Variants in BCAM observed in about 807,000 individuals in gnomAD.
BCAM encodes the protein basal cell adhesion molecule (Lutheran blood group).
In BCAM, 61 loss-of-function variants were observed where a neutral mutation model predicts 72.4. The observed-to-expected ratio is 0.84, with a 90% CI of 0.69 to 1.04. The LOEUF is 1.04. Ranked by LOEUF, BCAM falls within the 50% of genes least tolerant of loss-of-function variation. The pLI, the probability that BCAM is intolerant of heterozygous loss-of-function variation, is 0.00. For synonymous variants in BCAM, 408 were observed against 384.2 expected, an observed-to-expected ratio of 1.06 and a Z score of -0.73; for missense variants, 909 against 895.0, an observed-to-expected ratio of 1.02 and a Z score of -0.20.
chr19:44,820,766 C>T lies in BCAM; in HGVS notation c.1825C>T (p.Leu609Phe). 2 of 1,505,440 alleles carry T rather than the reference C, an allele frequency of 1.3e-6. No homozygotes were observed. The highest frequency in any genetic ancestry group is 2.6e-5 in the South Asian group (2 of 77,274). 93.3% of individuals were successfully genotyped at this position (1,505,440 alleles called of 1,614,324 possible). ...GGAGCAACCAGAGCAGACCGGCCTTCTCATGGGAGGTGCCTCCGGAGGAGC... is the reference window on the plus strand; with the variant it reads ...GGAGCAACCAGAGCAGACCGGCCTTTTCATGGGAGGTGCCTCCGGAGGAGC... ...GSEQPEQTGLLMGGASGGARG... is the reference protein window; with the variant it reads ...GSEQPEQTGLFMGGASGGARG... The change falls in exon 14 of 15, where the codon CTC becomes TTC. Residue 609 changes from leucine to phenylalanine, a missense_variant. Coordinates refer to ENST00000270233, the MANE Select transcript of BCAM (RefSeq NM_005581.5).
chr19:44,820,853 G>A, intron 14 of BCAM, 31 bp downstream of exon 14: 1 of 1,531,812 alleles, frequency 6.5e-7, no homozygotes, highest in Non-Finnish European at 8.8e-7. Context: ...CCTGGTGAGA[G>A]GGACCTGCTG....
In BCAM at chr19:44,812,467, C is replaced by G. The variant is rs1968438199; in HGVS notation, c.434-11C>G. 1 of 1,614,114 alleles carries G rather than the reference C, an allele frequency of 6.2e-7. No individual in the cohort carries two copies. The highest frequency in any genetic ancestry group is 1.7e-5 in the Admixed American group (1 of 60,010). ...GGGCAGGGGCTCCTGACGTGAACGT[C>G]TTTTTCACAGCAAAGCCAGAGGCCA... On this transcript the variant is annotated splice_polypyrimidine_tract_variant and intron_variant, in intron 3 of 14. Transcript: ENST00000270233. The surrounding 1 kb of genome is among the most constrained non-coding windows in gnomAD (Gnocchi z 5.3).
rs1205327707 is a variant in BCAM at position 44,812,337 on chromosome 19, G to C, written c.379G>C (p.Val127Leu). The C allele has an allele frequency of 6.2e-7, 1 of 1,613,424 alleles. No homozygotes were observed. The highest frequency in any genetic ancestry group is 1.7e-5 in the Admixed American group (1 of 59,942). Residue 127 changes from valine to leucine, a missense_variant, in exon 3 of 15, where the codon GTG becomes CTG. Coordinates refer to ENST00000270233, the MANE Select transcript of BCAM (RefSeq NM_005581.5). The surrounding 1 kb of genome is among the most constrained non-coding windows in gnomAD (Gnocchi z 5.3). ...CGACGAGCGAGACTACGTGTGCGTGGTGAGGGCAGGGGCGGCAGGCACTGC... is the reference window on the plus strand; with the variant it reads ...CGACGAGCGAGACTACGTGTGCGTGCTGAGGGCAGGGGCGGCAGGCACTGC... ...VGDERDYVCV[V>L]RAGAAGTAEA...
At position 44,819,093 on chromosome 19, in the gene BCAM, G is replaced by A; in HGVS notation, c.1374G>A (p.Lys458=). ...PELKTAEIEP[K]ADGSWREGDE... The stretch of plus-strand genomic sequence containing the variant: ...TAAAGACAGCGGAAATAGAGCCCAA[G>A]GCAGATGGCAGCTGGAGGGAAGGAG... Residue 458 remains lysine (K), a synonymous_variant, in exon 11 of 15, where the codon AAG becomes AAA. Coordinates refer to ENST00000270233, the MANE Select transcript of BCAM (RefSeq NM_005581.5). 6.2e-7 allele frequency: 1 copy of A among 1,614,014 alleles called. No homozygotes were observed. The highest frequency in any genetic ancestry group is 1.1e-5 in the South Asian group (1 of 91,080).
intron 1 of BCAM, among the ~76,000 whole-genome samples, chr19:44,810,218 C>G (rs897166373): frequency 1.3e-5 from 2 of 152,122 alleles, no homozygotes; most frequent in Non-Finnish European, 2.9e-5. Context: ...TCCACCAGGC[C>G]CCAGCCTCCT....
At chr19:44,820,572 C>G in intron 13 of BCAM, 133 bp from the exon 14 acceptor site, 1 of 1,281,666 alleles carries the variant, frequency 7.8e-7, no homozygotes, top group Non-Finnish European at 9.9e-7. Context: ...CTATGCCATC[C>G]CCACCCAGCA....
rs780731090 is a variant in BCAM at position 44,814,189 on chromosome 19, G to A, written c.822G>A (p.Pro274=). 7.7e-5 allele frequency: 122 copies of A among 1,580,386 alleles called. No individual in the cohort carries two copies. The highest frequency in any genetic ancestry group is 1.7e-4 in the Middle Eastern group (1 of 5,970). Residue 274 remains proline, a synonymous_variant, in exon 7 of 15, where the codon CCG becomes CCA. Transcript: ENST00000270233. This position sits in a 1 kb window ranked among gnomAD's most constrained non-coding sequence, Gnocchi z 4.6. The part of the protein sequence containing the change: ...TEHVQFWVGS[P]STPAGWVREG... ...ACGTGCAGTTCTGGGTGGGCAGCCC[G>A]TCCACCCCAGCAGGCTGGGTACGCG...
In BCAM at chr19:44,814,895, G is replaced by GT. The variant is rs1568572880; in HGVS notation, c.1078+135_1078+136insT. ...CAACCCTTTCTCTGCATTTCTTGGG[G>GT]GTTTTTTTGGTTGTTTTTTTTTTTT... is the stretch of plus-strand genomic sequence containing the variant. On this transcript the variant is annotated intron_variant, in intron 8 of 14. Coordinates refer to ENST00000270233, the MANE Select transcript of BCAM (RefSeq NM_005581.5). The surrounding 1 kb of genome is among the most constrained non-coding windows in gnomAD (Gnocchi z 4.6). 1.8e-5 allele frequency: 19 copies of GT among 1,029,178 alleles called. No individual in the cohort carries two copies. Among genetic ancestry groups the GT allele is most frequent in the African/African-American group, 1.4e-4 (8 of 58,822 alleles). 63.8% of individuals were successfully genotyped at this position (1,029,178 alleles called of 1,614,324 possible). A position where few individuals can be genotyped will look rare whatever the true frequency, so the allele number is the denominator to read the frequency against.
Position 44,813,401 on chromosome 19 carries a change from G to A in BCAM, c.602-37G>A. On this transcript the variant is annotated intron_variant, in intron 5 of 14. Coordinates refer to ENST00000270233, the MANE Select transcript of BCAM (RefSeq NM_005581.5). The surrounding 1 kb of genome is among the most constrained non-coding windows in gnomAD (Gnocchi z 4.2). ...GGGCTGGGGTGGGTGGCGGGGCTAT[G>A]GCCTGGCTGACTGCCACCTCCCCCG... is the stretch of plus-strand genomic sequence containing the variant. 1 of 1,608,230 alleles carries A rather than the reference G, an allele frequency of 6.2e-7. No homozygotes were observed. The highest frequency in any genetic ancestry group is 8.5e-7 in the Non-Finnish European group (1 of 1,177,014).
chr19:44,811,128 TG>T, intron 1 of BCAM, 96 bp from the exon 2 acceptor site: 1 of 1,575,896 alleles, frequency 6.3e-7, no homozygotes, highest in South Asian at 1.1e-5. Context: ...GAGGAGGGGC[TG>T]GGACCTGGAC....
rs1014808418 is a variant in BCAM at position 44,813,252 on chromosome 19, C to A, written c.507C>A (p.Ile169=). Residue 169 remains isoleucine, a splice_region_variant and synonymous_variant, in exon 5 of 15, where the codon ATC becomes ATA. Coordinates refer to ENST00000270233, the MANE Select transcript of BCAM (RefSeq NM_005581.5). The surrounding 1 kb of genome is among the most constrained non-coding windows in gnomAD (Gnocchi z 4.2). The stretch of plus-strand genomic sequence containing the variant: ...GGCCATGCCCGTGTCTGCCTCAGAT[C>A]GCCACCTGCAACAGCCGGAACGGGA... The part of the protein sequence containing the change: ...LSVMEDSAQE[I]ATCNSRNGNP... The A allele has an allele frequency of 6.2e-6, 10 of 1,614,012 alleles. No individual in the cohort carries two copies. The highest frequency in any genetic ancestry group is 8.5e-6 in the Non-Finnish European group (10 of 1,179,988).
chr19:44,814,709 G>A lies in BCAM; in HGVS notation c.1027G>A (p.Asp343Asn), dbSNP rs368698889. Reference protein sequence around the residue: ...GTYGCRVEDYDAADDVQLSKT... With the variant: ...GTYGCRVEDYNAADDVQLSKT... ...CTATGGCTGCAGAGTGGAGGATTAC[G>A]ACGCGGCAGATGACGTGCAGCTCTC... The change falls in exon 8 of 15, where the codon GAC becomes AAC. Residue 343 changes from aspartate to asparagine, a missense_variant. Physicochemically the swap from Asp to Asn is conservative, Grantham distance 23. Transcript: ENST00000270233. This position sits in a 1 kb window ranked among gnomAD's most constrained non-coding sequence, Gnocchi z 4.6. The A allele has an allele frequency of 4.9e-5, 79 of 1,613,806 alleles. No homozygotes were observed. Among genetic ancestry groups the A allele is most frequent in the Non-Finnish European group, 6.4e-5 (75 of 1,180,014 alleles).
rs139289024 is a variant in BCAM at position 44,811,234 on chromosome 19, C to T, written c.92C>T (p.Ala31Val). ...VLLAAHPDAQ[A>V]EVRLSVPPLV... ...AGTTGCTCTCTTGCAGATGCCCAGG[C>T]GGAGGTGCGCTTGTCTGTACCCCCG... The change falls in exon 2 of 15, where the codon GCG becomes GTG. Residue 31 changes from alanine (A) to valine (V), a missense_variant. Ala to Val is a moderately conservative substitution (Grantham distance 64). Transcript: ENST00000270233. 1.4e-5 allele frequency: 23 copies of T among 1,612,096 alleles called. No individual in the cohort carries two copies. Among genetic ancestry groups the T allele is most frequent in the South Asian group, 2.2e-5 (2 of 91,008 alleles).
chr19:44,821,371 A>C lies in BCAM; in HGVS notation c.*450A>C. 2 of 114,710 alleles carry C rather than the reference A, an allele frequency of 1.7e-5. No homozygotes were observed. The highest frequency in any genetic ancestry group is 1.7e-5 in the Non-Finnish European group (1 of 60,340). The allele number at this position is 114,710 out of a possible 1,614,324, so 7.1% of individuals were successfully genotyped here. A position where few individuals can be genotyped will look rare whatever the true frequency, so the allele number is the denominator to read the frequency against. ...CGCCCTACCTCCGCCCCACCCCATC[A>C]TCTGTGGACACTGGAGTCTGGAATA... On this transcript the variant is annotated 3_prime_UTR_variant, in exon 15 of 15. Transcript: ENST00000270233.
In BCAM at chr19:44,812,669, G is replaced by T. The variant is rs1968441510; in HGVS notation, c.504+121G>T. The T allele has an allele frequency of 4.2e-6, 5 of 1,188,244 alleles. No individual in the cohort carries two copies. The highest frequency in any genetic ancestry group is 4.7e-6 in the Non-Finnish European group (4 of 850,482). The allele number at this position is 1,188,244 out of a possible 1,614,324, so 73.6% of individuals were successfully genotyped here. A position where few individuals can be genotyped will look rare whatever the true frequency, so the allele number is the denominator to read the frequency against. On this transcript the variant is annotated intron_variant, in intron 4 of 14. Transcript: ENST00000270233. The surrounding 1 kb of genome is among the most constrained non-coding windows in gnomAD (Gnocchi z 5.3). ...TGGGTAATAAAGGAGGAGGGGTAAG[G>T]CCAGGCGAGGTGGCTCATGCCTGTA...
In BCAM at chr19:44,819,719, G is replaced by T. The variant is rs369218064; in HGVS notation, c.1756G>T (p.Gly586Trp). 1.8e-5 allele frequency: 29 copies of T among 1,601,422 alleles called. No homozygotes were observed. Among genetic ancestry groups the T allele is most frequent in the Non-Finnish European group, 2.3e-5 (27 of 1,175,392 alleles). ...GPCCRQRREK[G>W]APPPGEPGLS... Reference sequence around the variant, plus strand: ...CTGCTGCCGCCAGCGGCGGGAGAAGGGGGCTCCGTGAGTGGCCTGCTATCT... The same window carrying T: ...CTGCTGCCGCCAGCGGCGGGAGAAGTGGGCTCCGTGAGTGGCCTGCTATCT... The change falls in exon 13 of 15, where the codon GGG becomes TGG. Residue 586 changes from glycine (G) to tryptophan (W), a missense_variant. Coordinates refer to ENST00000270233, the MANE Select transcript of BCAM (RefSeq NM_005581.5).
chr19:44,814,265 G>T lies in BCAM; in HGVS notation c.898G>T (p.Glu300Ter). ...CCGGGGGGACGGCAGCCCCAGCCCG[G>T]AGTATACGCTTTTCCGCCTTCAGGT... ...LCRGDGSPSP[E>*]YTLFRLQDEQ... The change falls in exon 7 of 15, where the codon GAG becomes TAG. Residue 300 changes from glutamate to a stop codon, truncating the protein, a stop_gained. Coordinates refer to ENST00000270233, the MANE Select transcript of BCAM (RefSeq NM_005581.5). LOFTEE classifies it high-confidence loss of function. The surrounding 1 kb of genome is among the most constrained non-coding windows in gnomAD (Gnocchi z 4.6). 6.3e-7 allele frequency: 1 copy of T among 1,595,966 alleles called. No homozygotes were observed.
intron 8 of BCAM, among the ~76,000 whole-genome samples, chr19:44,817,700 A>C (rs1344792449): frequency 6.6e-6 from 1 of 152,038 alleles, no homozygotes; most frequent in Admixed American, 6.6e-5. Flanking sequence ...ATGCACCACT[A>C]TGCCCAGCTA....
intron 13 of BCAM, chr19:44,820,170 C>T (rs144395837): frequency 4.9e-6 from 5 of 1,013,544 alleles, no homozygotes; most frequent in African/African-American, 1.7e-5. Flanking sequence ...TCCCCATCCT[C>T]CCCCAACCTC....
Sources: allele counts gnomAD v4.1 joint callset (sites outside exome capture counted in the v4.1 genomes callset), GRCh38; gene constraint gnomAD v4.1.1; non-coding constraint Gnocchi (gnomAD v3.1); transcripts MANE v1.5; gene names NCBI Gene and HGNC (gene_info 2026-07-23, HGNC 2026-07-21).